PEX14: variants seen among roughly 807,000 people sequenced by gnomAD.
PEX14 encodes peroxisomal biogenesis factor 14.
In PEX14, 15 loss-of-function variants were observed where a neutral mutation model predicts 49.5. That is an observed-to-expected ratio of 0.30 (90% CI 0.20 to 0.47). The LOEUF is 0.47. Ranked by LOEUF, PEX14 falls within the 20% of genes least tolerant of loss-of-function variation. The probability of loss-of-function intolerance (pLI) is 1.00; values close to 1 mark genes in which losing one functional copy is unlikely to be tolerated. For missense variants in PEX14, 398 were observed against 494.8 expected (o/e 0.80, Z 1.86); for synonymous variants, 210 against 212.7 (o/e 0.99, Z 0.11).
At chr1:10,520,895 T>C (rs927002187) in intron 2 of PEX14, among the ~76,000 whole-genome samples, 1 of 152,190 alleles carries the variant, frequency 6.6e-6, no homozygotes, top group African/African-American at 2.4e-5. Context: ...TTGCTAATGA[T>C]TTCTCTTCCA....
intron 5 of PEX14, among the ~76,000 whole-genome samples, chr1:10,620,901 G>A (rs917041375): frequency 7.2e-5 from 11 of 152,208 alleles, no homozygotes; most frequent in African/African-American, 2.7e-4. Context: ...CTGTATACAA[G>A]CACCAAGAAG....
In PEX14 at chr1:10,514,972, G is replaced by A. The variant is rs1641945914; in HGVS notation, c.84+19651G>A. On this transcript the variant is annotated intron_variant, in intron 2 of 8. Transcript: ENST00000356607. The surrounding 1 kb of genome is among the most constrained non-coding windows in gnomAD (Gnocchi z 4.4). ...AGGGAGAAAATCTCCTTGGGCAAAT[G>A]CTTGCCACTCCCCTGCCGCCTGCCC... is the stretch of plus-strand genomic sequence containing the variant. 6.6e-6 allele frequency among the ~76,000 whole-genome samples: 1 copy of A among 152,166 alleles called. No homozygotes were observed. The highest frequency in any genetic ancestry group is 2.4e-5 in the African/African-American group (1 of 41,450).
chr1:10,476,138 TC>T (rs1398239941), intron 1 of PEX14, among the ~76,000 whole-genome samples: 1 of 152,216 alleles, frequency 6.6e-6, no homozygotes, highest in African/African-American at 2.4e-5. Flanking sequence ...GTATTTCACT[TC>T]CTTCAGAGGC....
intron 3 of PEX14, among the ~76,000 whole-genome samples, chr1:10,559,423 G>T (rs1457046127): frequency 6.6e-6 from 1 of 152,144 alleles, no homozygotes; most frequent in African/African-American, 2.4e-5. Flanking sequence ...TTATTTTAGA[G>T]AAGAAAATAC....
At chr1:10,527,755 C>T (rs1638532829) in intron 2 of PEX14, among the ~76,000 whole-genome samples, 1 of 151,886 alleles carries the variant, frequency 6.6e-6, no homozygotes, top group African/African-American at 2.4e-5. Context: ...TTCATTGCAA[C>T]CTCTGCCTCC....
At chr1:10,552,077 A>G (rs1639349598) in intron 3 of PEX14, among the ~76,000 whole-genome samples, 2 of 150,468 alleles carry the variant, frequency 1.3e-5, no homozygotes, top group African/African-American at 4.9e-5. Flanking sequence ...TGGGCGACAG[A>G]ACAAGACTCT....
intron 2 of PEX14, among the ~76,000 whole-genome samples, chr1:10,519,869 C>T (rs561173483): frequency 1.1e-4 from 16 of 152,286 alleles, no homozygotes; most frequent in Middle Eastern, 3.4e-3. Flanking sequence ...CTTCACCTTC[C>T]GGCCGAAGTG....
At chr1:10,499,272 A>G (rs1223029846) in intron 2 of PEX14, among the ~76,000 whole-genome samples, 1 of 152,146 alleles carries the variant, frequency 6.6e-6, no homozygotes, top group Non-Finnish European at 1.5e-5. Flanking sequence ...AACAGTGCTT[A>G]TGGATTTTGG....
intron 3 of PEX14, 131 bp downstream of exon 3, chr1:10,536,428 G>A (rs1638805383): frequency 9.8e-6 from 7 of 715,474 alleles, no homozygotes; most frequent in Admixed American, 6.2e-5. Flanking sequence ...GGGCAGTGGG[G>A]CTGAGGCGAA....
rs1641896262 is a variant in PEX14, at chr1:10,512,175, G to A, written c.84+16854G>A. Among the ~76,000 whole-genome samples, 1 of 152,108 alleles carries A rather than the reference G, an allele frequency of 6.6e-6. No individual in the cohort carries two copies. Among genetic ancestry groups the A allele is most frequent in the Non-Finnish European group, 1.5e-5 (1 of 68,026 alleles). ...GGGTTTCACCATGTTAGCCAGGATG[G>A]TCTCGACCTCCTGACCTCGTGATCT... On this transcript the variant is annotated intron_variant, in intron 2 of 8. Coordinates refer to ENST00000356607, the MANE Select transcript of PEX14 (RefSeq NM_004565.3). This position sits in a 1 kb window ranked among gnomAD's most constrained non-coding sequence, Gnocchi z 4.6.
intron 3 of PEX14, among the ~76,000 whole-genome samples, chr1:10,595,142 A>T (rs572845728): frequency 6.6e-6 from 1 of 152,152 alleles, no homozygotes; most frequent in Non-Finnish European, 1.5e-5. Flanking sequence ...TTGCAAGTAG[A>T]TTCTAGAGAA....
intron 1 of PEX14, among the ~76,000 whole-genome samples, chr1:10,481,151 T>A (rs181466748): frequency 2.0e-5 from 3 of 151,592 alleles, no homozygotes; most frequent in East Asian, 3.9e-4. Context: ...TTTTTTTTTT[T>A]GTTTGAGACA....
intron 1 of PEX14, among the ~76,000 whole-genome samples, chr1:10,477,283 GA>G (rs1364040163): frequency 2.0e-5 from 3 of 152,004 alleles, no homozygotes; most frequent in Non-Finnish European, 4.4e-5. Context: ...TGTTAGCCAG[GA>G]TGGTCTTGAT....
chr1:10,536,998 G>A (rs1013067698), intron 3 of PEX14, among the ~76,000 whole-genome samples: 1 of 152,018 alleles, frequency 6.6e-6, no homozygotes, highest in Non-Finnish European at 1.5e-5. Flanking sequence ...TACCATGATG[G>A]GCAAAAGTAA....
At chr1:10,600,544 G>A (rs557373283) in intron 4 of PEX14, among the ~76,000 whole-genome samples, 2 of 149,172 alleles carry the variant, frequency 1.3e-5, no homozygotes, top group African/African-American at 2.5e-5. Context: ...TGGTGAAACC[G>A]TGTCTCTACT....
At chr1:10,615,900 G>A (rs1428936507) in intron 4 of PEX14, among the ~76,000 whole-genome samples, 2 of 152,204 alleles carry the variant, frequency 1.3e-5, no homozygotes, top group Admixed American at 6.5e-5. Flanking sequence ...AATGGCTGTT[G>A]GTGGTGGGGA....
At chr1:10,607,154 T>A (rs1319219337) in intron 4 of PEX14, among the ~76,000 whole-genome samples, 1 of 152,182 alleles carries the variant, frequency 6.6e-6, no homozygotes, top group Non-Finnish European at 1.5e-5. Context: ...CTCTCTTGTT[T>A]CTATTTTTTT....
At chr1:10,483,450 G>C (rs1641316415) in intron 1 of PEX14, among the ~76,000 whole-genome samples, 1 of 152,118 alleles carries the variant, frequency 6.6e-6, no homozygotes, top group South Asian at 2.1e-4. Flanking sequence ...CGGAGTAGCT[G>C]GGACTGCAGG....
At chr1:10,577,879 T>C (rs1309093711) in intron 3 of PEX14, among the ~76,000 whole-genome samples, 3 of 151,484 alleles carry the variant, frequency 2.0e-5, no homozygotes, top group Non-Finnish European at 4.4e-5. Flanking sequence ...TTTAAAAATA[T>C]AGTTTGAAGG....
Sources: gnomAD v4.1 joint callset for allele counts (sites outside exome capture counted in the v4.1 genomes callset) on GRCh38, gnomAD v4.1.1 for gene constraint, Gnocchi (gnomAD v3.1) non-coding constraint, MANE v1.5 for transcripts, NCBI Gene and HGNC (gene_info 2026-07-23, HGNC 2026-07-21) for gene names.